Variants in RAB3GAP1 observed in about 807,000 individuals in gnomAD.
The protein encoded by RAB3GAP1 is rab3 GTPase-activating protein catalytic subunit.
Under a neutral mutation model 130.7 loss-of-function variants are expected in RAB3GAP1, and 86 were observed. That is an observed-to-expected ratio of 0.66 (90% CI 0.55 to 0.79). RAB3GAP1 has a LOEUF of 0.79. Ranked by LOEUF, RAB3GAP1 falls within the 30% of genes least tolerant of loss-of-function variation. The pLI is 0.00. For missense variants in RAB3GAP1, 1,029 were observed against 1,169.4 expected (o/e 0.88, Z 1.75); for synonymous variants, 367 against 401.7 (o/e 0.91, Z 1.03).
At chr2:135,062,561 A>G (rs1025667594) in intron 3 of RAB3GAP1, among the ~76,000 whole-genome samples, 3 of 152,236 alleles carry the variant, frequency 2.0e-5, no homozygotes, top group African/African-American at 4.8e-5. Flanking sequence ...TAATTACTAT[A>G]AAAAGGAGTA....
At chr2:135,106,081 G>A (rs1223464688) in intron 5 of RAB3GAP1, among the ~76,000 whole-genome samples, 21 of 151,760 alleles carry the variant, frequency 1.4e-4, no homozygotes, top group African/African-American at 7.2e-5. Flanking sequence ...CCCGGCAGCC[G>A]CCCCATCCGG....
intron 17 of RAB3GAP1, among the ~76,000 whole-genome samples, chr2:135,148,293 C>T (rs1692060098): frequency 6.6e-6 from 1 of 152,096 alleles, no homozygotes; most frequent in Non-Finnish European, 1.5e-5. Flanking sequence ...TAATCAGTTG[C>T]CTCTTCACTG....
chr2:135,164,555 T>C, intron 22 of RAB3GAP1, 39 bp from the exon 23 acceptor site: 1 of 1,510,180 alleles, frequency 6.6e-7, no homozygotes, highest in Non-Finnish European at 9.2e-7. Context: ...CCTGGACAGC[T>C]CACTTTCCAC....
At chr2:135,088,556 G>A (rs1690050655) in intron 3 of RAB3GAP1, among the ~76,000 whole-genome samples, 1 of 152,080 alleles carries the variant, frequency 6.6e-6, no homozygotes. Flanking sequence ...AGGCGTGGTG[G>A]TGCATGCCTG....
chr2:135,130,506 C>T, intron 12 of RAB3GAP1, 46 bp from the exon 13 acceptor site: 1 of 1,498,630 alleles, frequency 6.7e-7, no homozygotes, highest in Non-Finnish European at 9.3e-7. Context: ...CTTTCACCTG[C>T]TGAGGTTGGT....
chr2:135,135,551 C>G lies in RAB3GAP1; in HGVS notation c.1555-13C>G, dbSNP rs1224440814. On this transcript the variant is annotated splice_polypyrimidine_tract_variant and intron_variant, in intron 16 of 23. Coordinates refer to ENST00000264158, the MANE Select transcript of RAB3GAP1 (RefSeq NM_012233.3). Reference sequence around the variant, plus strand: ...ACTAATTCAACTATAAATGTTATTTCTCTTTTCTTAAGATGTTAAATTGTT... The same window carrying G: ...ACTAATTCAACTATAAATGTTATTTGTCTTTTCTTAAGATGTTAAATTGTT... The G allele has an allele frequency of 3.2e-6, 5 of 1,580,300 alleles. No homozygotes were observed. In the African/African-American group the frequency reaches 6.8e-5, roughly 22 times the overall value.
intron 7 of RAB3GAP1, among the ~76,000 whole-genome samples, chr2:135,117,531 G>GCTTCTTCTT (rs1346321623): frequency 1.5e-4 from 3 of 19,978 alleles, no homozygotes; most frequent in Non-Finnish European, 2.2e-4. Flanking sequence ...TGCTTCTTCT[G>GCTTCTTCTT]CTTCTTCTTC....
intron 3 of RAB3GAP1, among the ~76,000 whole-genome samples, chr2:135,065,993 T>A (rs1689311686): frequency 6.6e-6 from 1 of 152,078 alleles, no homozygotes; most frequent in African/African-American, 2.4e-5. Context: ...CAGAATGGTC[T>A]CAATCTCTTG....
chr2:135,090,935 TAGTAAATATA>T (rs1434502720), intron 3 of RAB3GAP1, 53 bp from the exon 4 acceptor site: 3 of 1,453,776 alleles, frequency 2.1e-6, no homozygotes, highest in Non-Finnish European at 2.9e-6. Context: ...TCCCTGTCGT[TAGTAAATATA>T]ATGATAGCTA....
At chr2:135,091,154 A>G (rs377264953) in intron 4 of RAB3GAP1, 24 bp downstream of exon 4, 2 of 1,534,916 alleles carry the variant, frequency 1.3e-6, no homozygotes, top group Admixed American at 1.7e-5. Context: ...ATATAATAAT[A>G]TTAACTTCTG....
Position 135,168,935 on chromosome 2 carries a change from C to A in RAB3GAP1, c.*154C>A. ...CAGCATCGGAAAGACTTCCCAGCACCAAGCTTGAGCTGTGTCGTTTCGTGG... is the reference window on the plus strand; with the variant it reads ...CAGCATCGGAAAGACTTCCCAGCACAAAGCTTGAGCTGTGTCGTTTCGTGG... On this transcript the variant is annotated 3_prime_UTR_variant, in exon 24 of 24. Transcript: ENST00000264158. The A allele has an allele frequency of 4.1e-6, 3 of 724,316 alleles. No homozygotes were observed. The highest frequency in any genetic ancestry group is 1.4e-5 in the South Asian group (1 of 69,228). The allele number at this position is 724,316 out of a possible 1,614,324, so 44.9% of individuals were successfully genotyped here. A position where few individuals can be genotyped will look rare whatever the true frequency, so the allele number is the denominator to read the frequency against.
In RAB3GAP1 at chr2:135,093,698, G is replaced by GTATA; in HGVS notation, c.362+7_362+10dup. 3.1e-6 allele frequency: 5 copies of GTATA among 1,601,636 alleles called. No homozygotes were observed. Among genetic ancestry groups the GTATA allele is most frequent in the Non-Finnish European group, 4.3e-6 (5 of 1,168,684 alleles). On this transcript the variant is annotated splice_donor_region_variant and intron_variant, in intron 5 of 23. Coordinates refer to ENST00000264158, the MANE Select transcript of RAB3GAP1 (RefSeq NM_012233.3). The stretch of plus-strand genomic sequence containing the variant: ...AGCACATTGCCTGGTAAGATGGTAG[G>GTATA]TATATCTTTTACTCAGTATCTTTTA...
intron 17 of RAB3GAP1, among the ~76,000 whole-genome samples, chr2:135,144,812 G>C (rs1691949091): frequency 6.6e-6 from 1 of 152,072 alleles, no homozygotes; most frequent in South Asian, 2.1e-4. Flanking sequence ...TTCTTTTCTT[G>C]TAAAGAAAAT....
chr2:135,166,480 C>T (rs183290443), intron 23 of RAB3GAP1, among the ~76,000 whole-genome samples: 2 of 152,234 alleles, frequency 1.3e-5, no homozygotes, highest in Admixed American at 1.3e-4. Context: ...TCCCAAGAAG[C>T]TGGAGCCACA....
intron 5 of RAB3GAP1, among the ~76,000 whole-genome samples, chr2:135,105,189 CTCCCTCTCCCCCT>C (rs1232847172): frequency 1.4e-5 from 2 of 144,968 alleles, no homozygotes; most frequent in Non-Finnish European, 3.0e-5. Context: ...CCCTCTCCCT[CTCCCTCTCCCCCT>C]TCCCTCTCCC....
At chr2:135,074,218 A>G (rs980452222) in intron 3 of RAB3GAP1, among the ~76,000 whole-genome samples, 1 of 152,106 alleles carries the variant, frequency 6.6e-6, no homozygotes, top group Non-Finnish European at 1.5e-5. Context: ...GAGAATTTAG[A>G]GTGAGAAAGA....
At position 135,081,327 on chromosome 2, in the gene RAB3GAP1, A is replaced by AATATATATAT. The variant is rs1214688390; in HGVS notation, c.151-9645_151-9636dup. Among the ~76,000 whole-genome samples the AATATATATAT allele has an allele frequency of 1.6e-3, 101 of 64,030 alleles. 3 individuals carry two copies. The highest frequency in any genetic ancestry group is 6.4e-3 in the East Asian group (6 of 936). 42.0% of individuals were successfully genotyped at this position (64,030 alleles called of 152,430 possible). On this transcript the variant is annotated intron_variant, in intron 3 of 23. Coordinates refer to ENST00000264158, the MANE Select transcript of RAB3GAP1 (RefSeq NM_012233.3). ...GTCTCAAAAAAAAAAAAAAAAAAAA[A>AATATATATAT]ATATATATATATATATATATATATA...
chr2:135,076,970 T>A (rs1433657056), intron 3 of RAB3GAP1, among the ~76,000 whole-genome samples: 1 of 152,200 alleles, frequency 6.6e-6, no homozygotes, highest in African/African-American at 2.4e-5. Context: ...ATATACCACA[T>A]TTTAAAATCC....
Position 135,126,671 on chromosome 2 carries a change from G to C in RAB3GAP1, c.973+15G>C, listed in dbSNP as rs368141793. 3 of 1,590,072 alleles carry C rather than the reference G, an allele frequency of 1.9e-6. No homozygotes were observed. The highest frequency in any genetic ancestry group is 1.7e-4 in the Middle Eastern group (1 of 6,042). ...GTGTTTGCTAGGTAAGGTATATTAT[G>C]CTCCTTTCCTGAAATACTGCTGATC... On this transcript the variant is annotated intron_variant, in intron 11 of 23. Transcript: ENST00000264158.
Sources: gnomAD v4.1 joint callset for allele counts (sites outside exome capture counted in the v4.1 genomes callset) on GRCh38, gnomAD v4.1.1 for gene constraint, MANE v1.5 for transcripts, NCBI Gene and HGNC (gene_info 2026-07-23, HGNC 2026-07-21) for gene names.